CPNE5: variants seen among roughly 807,000 people sequenced by gnomAD.
CPNE5 encodes copine-5.
Under a neutral mutation model 81.1 loss-of-function variants are expected in CPNE5, and 42 were observed. That is an observed-to-expected ratio of 0.52 (90% CI 0.40 to 0.67). CPNE5 has a LOEUF of 0.67. Among genes scored for constraint, CPNE5 ranks in the 30% least tolerant of loss-of-function variants. The probability of loss-of-function intolerance (pLI) is 0.00; values close to 1 mark genes in which losing one functional copy is unlikely to be tolerated. For synonymous variants in CPNE5, 313 were observed against 321.5 expected (o/e 0.97, Z 0.28); for missense variants, 612 against 815.5 (o/e 0.75, Z 3.04).
intron 8 of CPNE5, among the ~76,000 whole-genome samples, chr6:36,790,451 C>T (rs1475957029): frequency 6.6e-6 from 1 of 152,282 alleles, no homozygotes; most frequent in East Asian, 1.9e-4. Context: ...GATTTCACAA[C>T]AGATTGACTA....
chr6:36,745,026 C>G, intron 18 of CPNE5, 22 bp downstream of exon 18: 1 of 1,565,622 alleles, frequency 6.4e-7, no homozygotes, highest in South Asian at 1.1e-5. Flanking sequence ...ACCGCCTCCC[C>G]CACCGCACAC....
chr6:36,780,773 A>G (rs1332131257), intron 8 of CPNE5, among the ~76,000 whole-genome samples: 2 of 152,202 alleles, frequency 1.3e-5, no homozygotes, highest in African/African-American at 4.8e-5. Flanking sequence ...AACATTTATT[A>G]GATGCCGTCT....
Position 36,758,415 on chromosome 6 carries a change from A to ATTTT in CPNE5, c.856-2121_856-2118dup, listed in dbSNP as rs72371807. On this transcript the variant is annotated intron_variant, in intron 12 of 20. Coordinates refer to ENST00000244751, the MANE Select transcript of CPNE5 (RefSeq NM_020939.2). ...CAGGTAGCTGCCACCATGTCTGGCT[A>ATTTT]TTTTTTTTTTTTTGGTAGAGATAGG... Among the ~76,000 whole-genome samples, 733 of 140,266 alleles carry ATTTT rather than the reference A, an allele frequency of 5.2e-3. 11 individuals carry two copies. Among genetic ancestry groups the ATTTT allele is most frequent in the African/African-American group, 0.017 (622 of 37,056 alleles). 92.0% of individuals were successfully genotyped at this position (140,266 alleles called of 152,430 possible). A position where few individuals can be genotyped will look rare whatever the true frequency, so the allele number is the denominator to read the frequency against.
chr6:36,814,454 A>G (rs1327875762), intron 3 of CPNE5, among the ~76,000 whole-genome samples: 1 of 152,264 alleles, frequency 6.6e-6, no homozygotes, highest in East Asian at 1.9e-4. Flanking sequence ...ACTCTGAGGT[A>G]GGGAAATTGG....
intron 10 of CPNE5, among the ~76,000 whole-genome samples, chr6:36,768,366 G>A (rs1190768732): frequency 6.6e-6 from 1 of 151,590 alleles, no homozygotes. Flanking sequence ...TGAGTAGCTG[G>A]GATTACAGGC....
chr6:36,796,616 G>C (rs968654961), intron 6 of CPNE5, among the ~76,000 whole-genome samples: 8 of 152,222 alleles, frequency 5.3e-5, no homozygotes, highest in Admixed American at 3.3e-4. Flanking sequence ...AATTACGAAT[G>C]AAAACTGTTA....
upstream of CPNE5, chr6:36,839,743 G>A: frequency 4.4e-6 from 1 of 227,498 alleles, no homozygotes; most frequent in South Asian, 1.3e-4. This position sits in a 1 kb window ranked among gnomAD's most constrained non-coding sequence, Gnocchi z 7.3. Context: ...ACCAGGAGAG[G>A]GACGCGCGTC....
chr6:36,822,662 C>T (rs1052373009), intron 2 of CPNE5, among the ~76,000 whole-genome samples: 1 of 152,148 alleles, frequency 6.6e-6, no homozygotes, highest in Non-Finnish European at 1.5e-5. Context: ...GGAAAACAGG[C>T]TCAGAGGAGG....
intron 8 of CPNE5, among the ~76,000 whole-genome samples, chr6:36,790,756 G>T (rs951944965): frequency 2.0e-5 from 3 of 152,052 alleles, no homozygotes; most frequent in African/African-American, 7.2e-5. Context: ...TGCTGGCCAG[G>T]CTGGTCTCAA....
At chr6:36,776,947 G>C (rs1004417666) in intron 9 of CPNE5, among the ~76,000 whole-genome samples, 2 of 152,186 alleles carry the variant, frequency 1.3e-5, no homozygotes, top group African/African-American at 4.8e-5. Flanking sequence ...CCTTTCACAG[G>C]GGCAGGATAC....
intron 11 of CPNE5, 45 bp downstream of exon 11, chr6:36,765,290 C>G: frequency 6.2e-7 from 1 of 1,605,296 alleles, no homozygotes; most frequent in South Asian, 1.1e-5. Flanking sequence ...AGTGGCTGTC[C>G]CCATCCCCAC....
Position 36,775,019 on chromosome 6 carries a change from G to T in CPNE5, c.679C>A (p.Pro227Thr). 1 of 1,614,214 alleles carries T rather than the reference G, an allele frequency of 6.2e-7. No homozygotes were observed. The highest frequency in any genetic ancestry group is 8.5e-7 in the Non-Finnish European group (1 of 1,180,014). The change falls in exon 10 of 21, where the codon CCA (proline) becomes ACA (threonine). Residue 227 changes from proline to threonine, a missense_variant. Transcript: ENST00000244751. ...KTEVMKNTLN[P>T]VWQTFSIPVR... is the part of the protein sequence containing the mutation. ...GGAATGGAGAAAGTTTGCCAGACTG[G>T]ATTTAGGGTGTTCTTCATGACCTCG... is the stretch of plus-strand genomic sequence containing the variant.
chr6:36,769,135 C>T (rs1174817690), intron 10 of CPNE5, among the ~76,000 whole-genome samples: 2 of 152,196 alleles, frequency 1.3e-5, no homozygotes. Flanking sequence ...GCTGTATCTT[C>T]AGCTTCTAGA....
intron 13 of CPNE5, 84 bp from the exon 14 acceptor site, chr6:36,753,179 A>T: frequency 8.8e-7 from 1 of 1,136,056 alleles, no homozygotes; most frequent in Non-Finnish European, 1.3e-6. Flanking sequence ...CATTGACAGA[A>T]CACTCGGCAT....
chr6:36,819,752 C>T (rs1771876652), intron 3 of CPNE5, among the ~76,000 whole-genome samples: 2 of 152,190 alleles, frequency 1.3e-5, no homozygotes, highest in South Asian at 4.1e-4. Context: ...TTCTTCATAG[C>T]TGCCTCCTAC....
chr6:36,762,926 G>A lies in CPNE5; in HGVS notation c.846C>T (p.Asn282=), dbSNP rs1269915506. The A allele has an allele frequency of 3.1e-6, 5 of 1,613,978 alleles. No individual in the cohort carries two copies. The highest frequency in any genetic ancestry group is 4.2e-6 in the Non-Finnish European group (5 of 1,179,962). ...RELARGQSQF[N]IYEVVNPKKK... ...CGGGTGCCCACCTCACCTCATAGAT[G>A]TTGAATTGGCTCTGCCCACGGGCCA... The change falls in exon 12 of 21, where the codon AAC becomes AAT. Residue 282 remains asparagine (N), a synonymous_variant. Coordinates refer to ENST00000244751, the MANE Select transcript of CPNE5 (RefSeq NM_020939.2).
chr6:36,765,240 G>A lies in CPNE5; in HGVS notation c.779+95C>T, dbSNP rs945497712. 3.4e-5 allele frequency: 47 copies of A among 1,393,714 alleles called. No homozygotes were observed. In the East Asian group the frequency reaches 1.1e-3, roughly 32 times the overall value. 86.3% of individuals were successfully genotyped at this position (1,393,714 alleles called of 1,614,324 possible). ...CCCTCACCCCCAGAGCCACTGCGGGGGGGAGCCTGGTCACAGCTCCGCATG... is the reference window on the plus strand; with the variant it reads ...CCCTCACCCCCAGAGCCACTGCGGGAGGGAGCCTGGTCACAGCTCCGCATG... On this transcript the variant is annotated intron_variant, in intron 11 of 20. Transcript: ENST00000244751.
chr6:36,783,686 A>AT (rs983450257), intron 8 of CPNE5, among the ~76,000 whole-genome samples: 5 of 151,684 alleles, frequency 3.3e-5, no homozygotes, highest in Admixed American at 1.3e-4. Flanking sequence ...AGATTTTTAA[A>AT]TTTTTTTTGC....
At chr6:36,744,417 G>T in intron 18 of CPNE5, 92 bp from the exon 19 acceptor site, 3 of 971,996 alleles carry the variant, frequency 3.1e-6, no homozygotes, top group Non-Finnish European at 4.8e-6. Flanking sequence ...AGGAAGGGGT[G>T]GGCAGGAAAG....
Sources: allele counts gnomAD v4.1 joint callset (sites outside exome capture counted in the v4.1 genomes callset), GRCh38; gene constraint gnomAD v4.1.1; non-coding constraint Gnocchi (gnomAD v3.1); transcripts MANE v1.5; gene names NCBI Gene and HGNC (gene_info 2026-07-23, HGNC 2026-07-21).